The following VPS13A variants were observed in gnomAD, a reference collection of about 807,000 sequenced individuals.
VPS13A encodes intermembrane lipid transfer protein VPS13A.
In VPS13A, 264 loss-of-function variants were observed where a neutral mutation model predicts 390.9. That is an observed-to-expected ratio of 0.68 (90% CI 0.61 to 0.75). The LOEUF (loss-of-function observed/expected upper bound fraction) is 0.75. Ranked by LOEUF, VPS13A falls within the 30% of genes least tolerant of loss-of-function variation. The pLI, the probability that VPS13A is intolerant of heterozygous loss-of-function variation, is 0.00. For synonymous variants in VPS13A, 1,231 were observed against 1,227.1 expected, an observed-to-expected ratio of 1.00 and a Z score of -0.07; for missense variants, 3,409 against 3,733.9, an observed-to-expected ratio of 0.91 and a Z score of 2.27.
intron 45 of VPS13A, among the ~76,000 whole-genome samples, chr9:77,331,689 AT>A (rs1036755902): frequency 5.9e-5 from 9 of 151,728 alleles, no homozygotes; most frequent in African/African-American, 1.9e-4. Context: ...TTTTCTGTGA[AT>A]TTTTTTCTAC....
chr9:77,228,374 C>T, intron 17 of VPS13A, 110 bp downstream of exon 17: 1 of 1,087,706 alleles, frequency 9.2e-7, no homozygotes. Flanking sequence ...TTTCATATAT[C>T]CTTTTGTGGT....
rs537203368 is a variant in VPS13A at position 77,237,249 on chromosome 9, T to C, written c.1596-753T>C. On this transcript the variant is annotated intron_variant, in intron 17 of 71. Coordinates refer to ENST00000360280, the MANE Select transcript of VPS13A (RefSeq NM_033305.3). ...ATGCCCTTAGATTGATTTCCAGAGATTTTATAATTTTCACCAGTTCTTTCC... is the reference window on the plus strand; with the variant it reads ...ATGCCCTTAGATTGATTTCCAGAGACTTTATAATTTTCACCAGTTCTTTCC... 1.3e-3 allele frequency among the ~76,000 whole-genome samples: 199 copies of C among 152,236 alleles called. 1 individual carries two copies. The highest frequency in any genetic ancestry group is 2.5e-3 in the Non-Finnish European group (173 of 68,016).
intron 23 of VPS13A, 126 bp downstream of exon 23, chr9:77,260,350 ACTTT>A: frequency 1.4e-6 from 1 of 712,314 alleles, no homozygotes. Flanking sequence ...TAAGAAAATT[ACTTT>A]TTTTTTTTTT....
At chr9:77,266,908 A>T (rs1205667053) in intron 23 of VPS13A, among the ~76,000 whole-genome samples, 1 of 151,846 alleles carries the variant, frequency 6.6e-6, no homozygotes, top group African/African-American at 2.4e-5. Context: ...TATTTCACTA[A>T]GTTGATCTTC....
At chr9:77,283,694 A>T in intron 31 of VPS13A, 44 bp downstream of exon 31, 1 of 1,440,574 alleles carries the variant, frequency 6.9e-7, no homozygotes, top group Non-Finnish European at 9.6e-7. Flanking sequence ...ATTAAATAGG[A>T]TTGTCCTTTA....
chr9:77,194,159 G>C (rs927495251), intron 1 of VPS13A, among the ~76,000 whole-genome samples: 4 of 152,060 alleles, frequency 2.6e-5, no homozygotes, highest in African/African-American at 9.7e-5. Flanking sequence ...ACGGTGTCCT[G>C]GCAAAACAGT....
intron 67 of VPS13A, among the ~76,000 whole-genome samples, chr9:77,372,341 A>T (rs528139172): frequency 2.0e-5 from 3 of 151,874 alleles, no homozygotes; most frequent in African/African-American, 7.2e-5. Context: ...AATGATTGCC[A>T]TTCTAACTGG....
At chr9:77,207,794 A>G (rs933228956) in intron 5 of VPS13A, among the ~76,000 whole-genome samples, 1 of 152,042 alleles carries the variant, frequency 6.6e-6, no homozygotes, top group African/African-American at 2.4e-5. Context: ...ACTGTGTTCC[A>G]TGTTTGCTAT....
chr9:77,406,031 T>C (rs1260819902), intron 70 of VPS13A, 44 bp downstream of exon 70: 55 of 1,609,282 alleles, frequency 3.4e-5, no homozygotes, highest in Non-Finnish European at 4.7e-5. Context: ...GAACTGAAAA[T>C]AATGCTTTGA....
At chr9:77,391,603 AAAG>A (rs1321472470) in intron 68 of VPS13A, among the ~76,000 whole-genome samples, 1 of 152,172 alleles carries the variant, frequency 6.6e-6, no homozygotes, top group Non-Finnish European at 1.5e-5. Flanking sequence ...TTATCACTGT[AAAG>A]AACCCTACGG....
In VPS13A at chr9:77,382,966, A is replaced by G. The variant is rs762494606; in HGVS notation, c.9189+879A>G. Reference sequence around the variant, plus strand: ...CAGTGTCATGTTGTTTCTGTGGTTTAGAGGTGGAATACTAAATTAAATCAT... The same window carrying G: ...CAGTGTCATGTTGTTTCTGTGGTTTGGAGGTGGAATACTAAATTAAATCAT... On this transcript the variant is annotated intron_variant, in intron 68 of 71. Transcript: ENST00000360280. The G allele has an allele frequency of 1.4e-5, 14 of 985,242 alleles. No homozygotes were observed. The East Asian group carries it at 1.1e-3, about 80-fold the overall frequency. The allele number at this position is 985,242 out of a possible 1,614,324, so 61.0% of individuals were successfully genotyped here.
rs367984524 is a variant in VPS13A at position 77,383,153 on chromosome 9, C to T, written c.9189+1066C>T. The T allele has an allele frequency of 2.1e-5, 13 of 608,724 alleles. No individual in the cohort carries two copies. In the East Asian group the frequency reaches 1.4e-3, roughly 66 times the overall value. 37.7% of individuals were successfully genotyped at this position (608,724 alleles called of 1,614,324 possible). On this transcript the variant is annotated intron_variant, in intron 68 of 71. Coordinates refer to ENST00000360280, the MANE Select transcript of VPS13A (RefSeq NM_033305.3). ...AAAGATTTAAACTTCAGTATTTTAC[C>T]TATTGCAGGGCATATAGTATTGCAT...
chr9:77,303,075 G>T lies in VPS13A; in HGVS notation c.3960+13G>T. 1 of 1,613,402 alleles carries T rather than the reference G, an allele frequency of 6.2e-7. No homozygotes were observed. Among genetic ancestry groups the T allele is most frequent in the African/African-American group, 1.3e-5 (1 of 74,946 alleles). On this transcript the variant is annotated intron_variant, in intron 34 of 71. Coordinates refer to ENST00000360280, the MANE Select transcript of VPS13A (RefSeq NM_033305.3). ...GAAACCAATGGAGGTAACTTTTTTT[G>T]GATACTTATCAATTTTTGTTTTGCT...
intron 22 of VPS13A, among the ~76,000 whole-genome samples, chr9:77,257,658 TG>T (rs1825522835): frequency 6.6e-6 from 1 of 152,098 alleles, no homozygotes; most frequent in Non-Finnish European, 1.5e-5. Context: ...CCTAGCTACT[TG>T]GGAAGTTAAG....
intron 3 of VPS13A, 66 bp downstream of exon 3, chr9:77,201,473 A>AT: frequency 8.0e-7 from 1 of 1,249,386 alleles, no homozygotes; most frequent in Non-Finnish European, 1.2e-6. Flanking sequence ...TTTGCCTAAT[A>AT]TATCTATTAT....
chr9:77,391,690 T>C (rs1563985771), intron 68 of VPS13A, among the ~76,000 whole-genome samples: 1 of 152,194 alleles, frequency 6.6e-6, no homozygotes, highest in Non-Finnish European at 1.5e-5. Context: ...TTAGAGATCT[T>C]ATGAAGATGC....
intron 71 of VPS13A, among the ~76,000 whole-genome samples, chr9:77,411,660 C>CAAAAAAAAAAAAAAAAAAAAA (rs1169254413): frequency 8.6e-4 from 29 of 33,918 alleles, no homozygotes; most frequent in Middle Eastern, 0.024. Flanking sequence ...AACTCCATCT[C>CAAAAAAAAAAAAAAAAAAAAA]AAAAAAAAAA....
rs564049362 is a variant in VPS13A at position 77,260,646 on chromosome 9, C to T, written c.2427+422C>T. Among the ~76,000 whole-genome samples, 21 of 151,574 alleles carry T rather than the reference C, an allele frequency of 1.4e-4. No homozygotes were observed. The East Asian group carries it at 3.1e-3, about 23-fold the overall frequency. On this transcript the variant is annotated intron_variant, in intron 23 of 71. Transcript: ENST00000360280. ...CTGGGCTTACAGACGTGAGCCACCACGCCCAGCCAGAAAATTACATGTTGA... is the reference window on the plus strand; with the variant it reads ...CTGGGCTTACAGACGTGAGCCACCATGCCCAGCCAGAAAATTACATGTTGA...
At chr9:77,348,140 T>G (rs1013565230) in intron 52 of VPS13A, among the ~76,000 whole-genome samples, 1 of 152,166 alleles carries the variant, frequency 6.6e-6, no homozygotes, top group African/African-American at 2.4e-5. Context: ...CTCAAAGGAA[T>G]AGAAATCATT....
Sources: gnomAD v4.1 joint callset for allele counts (sites outside exome capture counted in the v4.1 genomes callset) on GRCh38, gnomAD v4.1.1 for gene constraint, MANE v1.5 for transcripts, NCBI Gene and HGNC (gene_info 2026-07-23, HGNC 2026-07-21) for gene names.